SEC62: variants seen among roughly 807,000 people sequenced by gnomAD.
SEC62 encodes SEC62 preprotein translocation factor.
A neutral mutation model predicts 47.5 loss-of-function variants in SEC62; 10 were observed. The observed-to-expected ratio is 0.21, with a 90% CI of 0.13 to 0.36. The LOEUF is 0.36. Ranked by LOEUF, SEC62 falls within the 10% of genes least tolerant of loss-of-function variation. The pLI is 1.00. For missense variants in SEC62, 327 were observed against 464.1 expected (o/e 0.70, Z 2.71); for synonymous variants, 136 against 150.5 (o/e 0.90, Z 0.71).
chr3:169,972,215 T>C (rs1184571912), intron 1 of SEC62, among the ~76,000 whole-genome samples: 1 of 152,188 alleles, frequency 6.6e-6, no homozygotes. Flanking sequence ...GCTTACAGGG[T>C]AAAGTAGAAA....
chr3:169,991,430 TAGAG>T (rs889165251), intron 7 of SEC62, among the ~76,000 whole-genome samples: 103 of 151,644 alleles, frequency 6.8e-4, no homozygotes, highest in African/African-American at 5.1e-4. Flanking sequence ...GGAGGATAGA[TAGAG>T]AGAGAGAGAT....
At chr3:169,975,357 C>A in intron 1 of SEC62, 1 of 280,236 alleles carries the variant, frequency 3.6e-6, no homozygotes, top group Non-Finnish European at 6.9e-6. Context: ...GAAAAAACAA[C>A]TCAAATGCCT....
In SEC62 at chr3:169,985,877, G is replaced by A; in HGVS notation, c.610+12G>A. On this transcript the variant is annotated intron_variant, in intron 6 of 7. Transcript: ENST00000337002. ...GGGATTAATTCTTGGTAAGTAGTGA[G>A]ATGTTAATAGCTATAAAGTGCAATC... is the stretch of plus-strand genomic sequence containing the variant. 1 of 1,589,014 alleles carries A rather than the reference G, an allele frequency of 6.3e-7. No homozygotes were observed. The highest frequency in any genetic ancestry group is 8.6e-7 in the Non-Finnish European group (1 of 1,159,090).
intron 6 of SEC62, among the ~76,000 whole-genome samples, chr3:169,986,227 AC>A (rs1167497757): frequency 1.3e-5 from 2 of 152,184 alleles, no homozygotes; most frequent in African/African-American, 4.8e-5. Context: ...GCTCTCTCTA[AC>A]AGTTGATAGG....
intron 1 of SEC62, among the ~76,000 whole-genome samples, chr3:169,967,915 A>G (rs1381505497): frequency 6.6e-6 from 1 of 150,678 alleles, no homozygotes; most frequent in Non-Finnish European, 1.5e-5. Context: ...TTATTGGCGT[A>G]CAATACAGAT....
intron 1 of SEC62, among the ~76,000 whole-genome samples, chr3:169,971,540 A>T (rs1023350553): frequency 2.6e-5 from 4 of 152,250 alleles, no homozygotes; most frequent in Non-Finnish European, 5.9e-5. Context: ...TTCTGTGTCT[A>T]GTTGGGAGAG....
intron 1 of SEC62, chr3:169,968,447 C>T (rs1381699040): frequency 1.3e-5 from 2 of 151,848 alleles, no homozygotes; most frequent in Non-Finnish European, 2.9e-5. Flanking sequence ...CCTGTTTGTA[C>T]CCCACCTCCA....
intron 1 of SEC62, among the ~76,000 whole-genome samples, chr3:169,969,611 G>A (rs956985656): frequency 6.6e-6 from 1 of 152,160 alleles, no homozygotes; most frequent in Non-Finnish European, 1.5e-5. Flanking sequence ...ATAAACTGAG[G>A]TCCAGTGAGG....
At chr3:169,967,494 G>T (rs11915240) in intron 1 of SEC62, among the ~76,000 whole-genome samples, 4,489 of 152,194 alleles carry the variant, frequency 0.029, 246 homozygotes, top group African/African-American at 0.1. Context: ...TCCGGGCGAC[G>T]TGGTGTAAAC....
intron 1 of SEC62, among the ~76,000 whole-genome samples, chr3:169,967,350 G>C (rs1221318116): frequency 2.0e-5 from 3 of 152,186 alleles, no homozygotes; most frequent in Non-Finnish European, 2.9e-5. Context: ...GACCGTAAGG[G>C]GGAATGATCT....
At chr3:169,987,224 C>T (rs944581062) in intron 6 of SEC62, among the ~76,000 whole-genome samples, 2 of 151,930 alleles carry the variant, frequency 1.3e-5, no homozygotes, top group South Asian at 2.1e-4. Context: ...TCCAAGGGTT[C>T]GAAACCAGCC....
At chr3:169,979,965 ATGTT>A (rs1714931997) in intron 3 of SEC62, among the ~76,000 whole-genome samples, 1 of 152,202 alleles carries the variant, frequency 6.6e-6, no homozygotes, top group Non-Finnish European at 1.5e-5. Context: ...CATTTAATAA[ATGTT>A]TGTTAAATCT....
At chr3:169,980,274 A>G (rs114138614) in intron 3 of SEC62, among the ~76,000 whole-genome samples, 1,667 of 152,234 alleles carry the variant, frequency 0.011, 37 homozygotes, top group African/African-American at 0.038. Flanking sequence ...CCAACAAACA[A>G]GAGAAGAAAG....
At position 169,992,870 on chromosome 3, in the gene SEC62, G is replaced by C. The variant is rs769662010; in HGVS notation, c.1007G>C (p.Gly336Ala). The C allele has an allele frequency of 1.1e-5, 17 of 1,614,062 alleles. No homozygotes were observed. The highest frequency in any genetic ancestry group is 2.2e-5 in the East Asian group (1 of 44,870). Residue 336 changes from glycine (G) to alanine (A), a missense_variant, in exon 8 of 8, where the codon GGG (glycine) becomes GCG (alanine). Gly to Ala is a moderately conservative substitution (Grantham distance 60). This residue lies in a region of SEC62 where 102 missense variants were observed against 108.8 expected (regional missense o/e 0.94). Transcript: ENST00000337002. This position sits in a 1 kb window ranked among gnomAD's most constrained non-coding sequence, Gnocchi z 4.0. ...GPGNHGTEGS[G>A]GERHSDTDSD... is the part of the protein sequence containing the mutation. ...GGAAATCATGGAACAGAAGGCTCGGGGGGAGAACGGCATTCAGACACGGAC... is the reference window on the plus strand; with the variant it reads ...GGAAATCATGGAACAGAAGGCTCGGCGGGAGAACGGCATTCAGACACGGAC...
At chr3:169,969,245 T>TAA in intron 1 of SEC62, 1 of 398,148 alleles carries the variant, frequency 2.5e-6, no homozygotes, top group Admixed American at 2.7e-5. Flanking sequence ...AGTTCAGGGT[T>TAA]AAAAAAAAAA....
chr3:169,977,185 C>G, intron 3 of SEC62, 134 bp downstream of exon 3: 2 of 497,052 alleles, frequency 4.0e-6, no homozygotes, highest in Non-Finnish European at 3.5e-6. Context: ...AACCTGATTT[C>G]TTTGGTACCT....
chr3:169,983,499 T>C (rs1474167505), intron 5 of SEC62: 1 of 269,252 alleles, frequency 3.7e-6, no homozygotes, highest in African/African-American at 2.3e-5. Context: ...CTTATTTCTT[T>C]TTTATCAGTG....
intron 1 of SEC62, among the ~76,000 whole-genome samples, chr3:169,974,842 C>T (rs979217396): frequency 3.3e-5 from 5 of 152,024 alleles, no homozygotes; most frequent in Non-Finnish European, 4.4e-5. Context: ...ACTCCTTCTG[C>T]GATCTGTTGT....
chr3:169,994,827 TC>T lies in SEC62; in HGVS notation c.*1766del, dbSNP rs1715337924. ...ATAATACCCAGGCACTCAATATTCA[TC>T]CTGAAATTTTTTATAATATATGTAA... is the stretch of plus-strand genomic sequence containing the variant. On this transcript the variant is annotated 3_prime_UTR_variant, in exon 8 of 8. Transcript: ENST00000337002. The T allele has an allele frequency of 6.6e-6, 1 of 152,176 alleles. No individual in the cohort carries two copies. The highest frequency in any genetic ancestry group is 2.4e-5 in the African/African-American group (1 of 41,452). The allele number at this position is 152,176 out of a possible 1,614,324, so 9.4% of individuals were successfully genotyped here.
Sources: allele counts gnomAD v4.1 joint callset (sites outside exome capture counted in the v4.1 genomes callset), GRCh38; gene constraint gnomAD v4.1.1; regional missense constraint gnomAD v4.1.1; non-coding constraint Gnocchi (gnomAD v3.1); transcripts MANE v1.5; gene names NCBI Gene and HGNC (gene_info 2026-07-23, HGNC 2026-07-21).